The following SLC2A9 variants were observed in gnomAD, a reference collection of about 807,000 sequenced individuals.
SLC2A9 encodes solute carrier family 2, facilitated glucose transporter member 9.
SLC2A9 carries 39 observed loss-of-function variants against 50.6 expected under a neutral mutation model. The ratio of observed to expected loss-of-function variants is 0.77; its 90% CI spans 0.60 to 1.01. The LOEUF (loss-of-function observed/expected upper bound fraction) is 1.01, where lower values mean the gene tolerates loss of function less well. Among genes scored for constraint, SLC2A9 ranks in the 50% least tolerant of loss-of-function variants. The pLI is 0.00. For synonymous variants in SLC2A9, 324 were observed against 276.9 expected (o/e 1.17, Z -1.69); for missense variants, 686 against 677.6 (o/e 1.01, Z -0.14).
chr4:9,822,257 G>C (rs535125703), downstream of SLC2A9, among the ~76,000 whole-genome samples: 1 of 151,942 alleles, frequency 6.6e-6, no homozygotes, highest in East Asian at 1.9e-4. Flanking sequence ...TTCTTATCTT[G>C]TCCTGTTTTT....
At chr4:9,832,935 C>T (rs1188564950) in intron 11 of SLC2A9, among the ~76,000 whole-genome samples, 1 of 152,202 alleles carries the variant, frequency 6.6e-6, no homozygotes, top group Non-Finnish European at 1.5e-5. Flanking sequence ...CCCTGAGTGG[C>T]TCAGAAGATA....
At chr4:9,943,058 C>G (rs1269203677) in intron 5 of SLC2A9, among the ~76,000 whole-genome samples, 3 of 152,220 alleles carry the variant, frequency 2.0e-5, no homozygotes, top group Non-Finnish European at 4.4e-5. Flanking sequence ...CCAGAACTGG[C>G]AGGGCCTGGG....
At chr4:9,809,194 A>G (rs1330975792) in intron 3 of SLC2A9, among the ~76,000 whole-genome samples, 1 of 152,164 alleles carries the variant, frequency 6.6e-6, no homozygotes, top group Non-Finnish European at 1.5e-5. Context: ...TTTTAATTAT[A>G]CAAATGGACA....
intron 8 of SLC2A9, 117 bp downstream of exon 8, chr4:9,908,118 G>C: frequency 2.6e-6 from 2 of 783,506 alleles, no homozygotes; most frequent in Admixed American, 3.6e-5. Context: ...AAACCACATT[G>C]TCCTAATTGA....
At chr4:9,782,185 C>T in intron 3 of SLC2A9, 2 of 1,605,538 alleles carry the variant, frequency 1.2e-6, no homozygotes, top group East Asian at 2.2e-5. Context: ...TACTCATCAT[C>T]TGGACCCTGC....
downstream of SLC2A9, chr4:9,798,982 A>G (rs1267373095): frequency 6.6e-6 from 1 of 152,256 alleles, no homozygotes. Context: ...GCATCACTGC[A>G]TCACTGCTCT....
chr4:9,945,427 C>T (rs1215180417), intron 5 of SLC2A9, among the ~76,000 whole-genome samples: 1 of 152,224 alleles, frequency 6.6e-6, no homozygotes, highest in Non-Finnish European at 1.5e-5. Context: ...TTACTAAGCA[C>T]ATTGGATAGT....
chr4:9,807,984 C>T (rs567033484), intron 3 of SLC2A9, among the ~76,000 whole-genome samples: 3 of 152,370 alleles, frequency 2.0e-5, no homozygotes, highest in East Asian at 3.9e-4. Flanking sequence ...CTCACCATGT[C>T]TTGCCACCTT....
intron 3 of SLC2A9, among the ~76,000 whole-genome samples, chr4:9,803,274 G>A (rs1721700425): frequency 6.6e-6 from 1 of 152,224 alleles, no homozygotes; most frequent in Admixed American, 6.5e-5. Context: ...ATGAGCTTGA[G>A]GTTGTTACTG....
chr4:9,855,032 C>T (rs187165575), intron 10 of SLC2A9, among the ~76,000 whole-genome samples: 2 of 152,220 alleles, frequency 1.3e-5, no homozygotes, highest in African/African-American at 4.8e-5. Context: ...TGGAAACATC[C>T]CCCTTGAGAA....
At chr4:9,814,459 CAG>C (rs1345028641) in intron 3 of SLC2A9, among the ~76,000 whole-genome samples, 9 of 152,194 alleles carry the variant, frequency 5.9e-5, no homozygotes, top group Non-Finnish European at 1.3e-4. Flanking sequence ...TGGCCAGAAA[CAG>C]TGGGTCTGTA....
In SLC2A9 at chr4:9,925,539, C is replaced by G. The variant is rs143925802; in HGVS notation, c.815-4967G>C. 1.8e-4 allele frequency among the ~76,000 whole-genome samples: 28 copies of G among 152,300 alleles called. No homozygotes were observed. The East Asian group carries it at 5.4e-3, about 29-fold the overall frequency. ...CCCCAGACTAGTTACCTATTCTGCC[C>G]GCCCCATGCTTGTTCTTCCATGAAA... is the stretch of plus-strand genomic sequence containing the variant. On this transcript the variant is annotated intron_variant, in intron 6 of 11. Transcript: ENST00000264784.
At chr4:10,025,526 G>C (rs1763720644), upstream of SLC2A9, among the ~76,000 whole-genome samples, 1 of 152,222 alleles carries the variant, frequency 6.6e-6, no homozygotes, top group African/African-American at 2.4e-5. Flanking sequence ...AGGACTTCCT[G>C]GAGGAAGGGG....
intron 3 of SLC2A9, among the ~76,000 whole-genome samples, chr4:9,816,212 C>T (rs1175011251): frequency 1.3e-5 from 2 of 150,892 alleles, no homozygotes; most frequent in African/African-American, 2.5e-5. Flanking sequence ...GAATTTCTAA[C>T]ATTTTCTTCT....
chr4:9,861,109 G>A (rs1731551839), intron 10 of SLC2A9, among the ~76,000 whole-genome samples: 1 of 152,118 alleles, frequency 6.6e-6, no homozygotes, highest in African/African-American at 2.4e-5. Flanking sequence ...CCTGAGACTG[G>A]TAATTTATAT....
intron 10 of SLC2A9, among the ~76,000 whole-genome samples, chr4:9,873,341 A>C (rs1733761014): frequency 6.6e-6 from 1 of 152,178 alleles, no homozygotes; most frequent in South Asian, 2.1e-4. Flanking sequence ...CATAATTCTC[A>C]TCTCTTGCCT....
chr4:9,902,599 T>C (rs1739849415), intron 8 of SLC2A9, among the ~76,000 whole-genome samples: 1 of 152,194 alleles, frequency 6.6e-6, no homozygotes, highest in African/African-American at 2.4e-5. Flanking sequence ...GGGCCCTGCC[T>C]CTGGAGGCGC....
downstream of SLC2A9, among the ~76,000 whole-genome samples, chr4:9,795,006 C>T (rs113240152): frequency 2.3e-5 from 1 of 43,020 alleles, no homozygotes; most frequent in African/African-American, 7.5e-5. Flanking sequence ...ATTAACCCAT[C>T]CTTTTTTTTT....
At chr4:9,890,502 G>A in intron 9 of SLC2A9, 108 bp downstream of exon 9, 3 of 1,025,356 alleles carry the variant, frequency 2.9e-6, no homozygotes, top group Non-Finnish European at 4.5e-6. Flanking sequence ...TTTATCACAA[G>A]TGTTTTCTGT....
Sources: allele counts gnomAD v4.1 joint callset (sites outside exome capture counted in the v4.1 genomes callset), GRCh38; gene constraint gnomAD v4.1.1; transcripts MANE v1.5; gene names NCBI Gene and HGNC (gene_info 2026-07-23, HGNC 2026-07-21).